Variants in PIWIL3 observed in about 807,000 individuals in gnomAD.
PIWIL3 encodes the protein piwi like RNA-mediated gene silencing 3.
A neutral mutation model predicts 109.7 loss-of-function variants in PIWIL3; 101 were observed. The observed-to-expected ratio is 0.92, with a 90% CI of 0.78 to 1.09. PIWIL3 has a LOEUF of 1.09. PIWIL3 is among the 50% of genes least tolerant of loss of function. PIWIL3 has a pLI of 0.00. For synonymous variants in PIWIL3, 373 were observed against 376.4 expected (o/e 0.99, Z 0.10); for missense variants, 1,031 against 1,072.6 (o/e 0.96, Z 0.54).
At chr22:24,755,387 T>C (rs1924960788) in intron 6 of PIWIL3, among the ~76,000 whole-genome samples, 2 of 152,344 alleles carry the variant, frequency 1.3e-5, no homozygotes, top group Admixed American at 6.5e-5. Flanking sequence ...CCTCCCAAAG[T>C]GCTGGGATTA....
At chr22:24,720,594 C>A (rs545338958) in intron 19 of PIWIL3, among the ~76,000 whole-genome samples, 181 of 152,150 alleles carry the variant, frequency 1.2e-3, no homozygotes, top group Non-Finnish European at 2.2e-3. Flanking sequence ...ACAATACAAC[C>A]GGTAAGATTG....
In PIWIL3 at chr22:24,719,818, G is replaced by T. The variant is rs778999933; in HGVS notation, c.2435C>A (p.Thr812Lys). ...TACTGTATCTGGGCTCAAGCCAATCGTGTCATAGATGACGTTATAATGAGT... is the reference window on the plus strand; with the variant it reads ...TACTGTATCTGGGCTCAAGCCAATCTTGTCATAGATGACGTTATAATGAGT... The part of the protein sequence containing the change: ...TPTHYNVIYD[T>K]IGLSPDTVQR... Residue 812 changes from threonine (T) to lysine (K), a missense_variant, in exon 20 of 21, where the codon ACG becomes AAG. Transcript: ENST00000616349. The T allele has an allele frequency of 6.2e-7, 1 of 1,611,010 alleles. No homozygotes were observed.
At chr22:24,757,421 G>C (rs1343857067) in intron 4 of PIWIL3, among the ~76,000 whole-genome samples, 1 of 152,120 alleles carries the variant, frequency 6.6e-6, no homozygotes, top group Non-Finnish European at 1.5e-5. Flanking sequence ...GACCAGCTTG[G>C]GCAAGGTGGG....
intron 3 of PIWIL3, among the ~76,000 whole-genome samples, chr22:24,759,170 C>T (rs561648664): frequency 1.6e-4 from 25 of 152,304 alleles, no homozygotes; most frequent in Admixed American, 9.1e-4. Flanking sequence ...CTGATGTGAG[C>T]CACTGCACCC....
At chr22:24,760,876 A>G (rs1266259195) in intron 2 of PIWIL3, among the ~76,000 whole-genome samples, 1 of 151,352 alleles carries the variant, frequency 6.6e-6, no homozygotes, top group East Asian at 1.9e-4. Flanking sequence ...ACAGGCTGAG[A>G]GACAAGGAAA....
At chr22:24,749,899 G>T in intron 9 of PIWIL3, 80 bp from the exon 10 acceptor site, 1 of 1,601,330 alleles carries the variant, frequency 6.2e-7, no homozygotes, top group Non-Finnish European at 8.5e-7. Flanking sequence ...AAGTGCATGT[G>T]TGGGACTACA....
At chr22:24,744,061 G>A (rs1313757134) in intron 12 of PIWIL3, among the ~76,000 whole-genome samples, 1 of 150,728 alleles carries the variant, frequency 6.6e-6, no homozygotes, top group Non-Finnish European at 1.5e-5. Context: ...AAGAAAGGAG[G>A]AAGAAGAGAC....
intron 17 of PIWIL3, 39 bp downstream of exon 17, chr22:24,725,406 G>C (rs751267102): frequency 6.2e-7 from 1 of 1,606,414 alleles, no homozygotes; most frequent in East Asian, 2.2e-5. Flanking sequence ...AGAACTACTT[G>C]TATAGTGTCG....
chr22:24,760,311 A>G (rs1422956056), intron 2 of PIWIL3, among the ~76,000 whole-genome samples: 1 of 152,200 alleles, frequency 6.6e-6, no homozygotes, highest in Non-Finnish European at 1.5e-5. Flanking sequence ...ACTTGGAGGT[A>G]CTGAGTGAAT....
intron 1 of PIWIL3, among the ~76,000 whole-genome samples, chr22:24,764,733 A>T (rs1925688515): frequency 6.7e-6 from 1 of 149,258 alleles, no homozygotes; most frequent in Admixed American, 6.8e-5. Context: ...ACTCACTGCA[A>T]CCTCAACCTC....
chr22:24,721,896 T>C (rs563831714), intron 19 of PIWIL3, among the ~76,000 whole-genome samples: 1 of 152,336 alleles, frequency 6.6e-6, no homozygotes, highest in East Asian at 1.9e-4. Flanking sequence ...GAAAAAGACT[T>C]CTAAATTACT....
chr22:24,733,273 T>C (rs1179694166), intron 14 of PIWIL3, among the ~76,000 whole-genome samples: 1 of 151,906 alleles, frequency 6.6e-6, no homozygotes, highest in African/African-American at 2.4e-5. Context: ...AGAAAGAAGA[T>C]GAACTAGTGT....
chr22:24,757,671 C>CACACACATATATAAAATATGTATATATT (rs1569109505), intron 4 of PIWIL3, among the ~76,000 whole-genome samples: 2 of 128,374 alleles, frequency 1.6e-5, no homozygotes, highest in African/African-American at 6.2e-5. Context: ...CACACACACA[C>CACACACATATATAAAATATGTATATATT]ACACACACAC....
intron 14 of PIWIL3, among the ~76,000 whole-genome samples, chr22:24,730,860 C>CT (rs915041909): frequency 1.3e-5 from 2 of 152,072 alleles, no homozygotes; most frequent in Non-Finnish European, 2.9e-5. Flanking sequence ...TGCAAAGTGA[C>CT]TTTTTTTATT....
chr22:24,723,988 T>C (rs1445321151), intron 18 of PIWIL3, among the ~76,000 whole-genome samples: 1 of 152,152 alleles, frequency 6.6e-6, no homozygotes, highest in Non-Finnish European at 1.5e-5. Flanking sequence ...ATTCATGGAT[T>C]TCTATGAGTA....
chr22:24,765,652 T>C (rs1925742663), intron 1 of PIWIL3, among the ~76,000 whole-genome samples: 2 of 152,204 alleles, frequency 1.3e-5, no homozygotes, highest in African/African-American at 4.8e-5. Context: ...CCCATCATCC[T>C]TTGTTCTGAG....
intron 12 of PIWIL3, among the ~76,000 whole-genome samples, chr22:24,744,042 A>C (rs1331702558): frequency 6.6e-6 from 1 of 151,956 alleles, no homozygotes; most frequent in Non-Finnish European, 1.5e-5. Context: ...CACTAAAAGG[A>C]AGGCAGGAAA....
At chr22:24,730,338 T>TACACTCCA (rs1923271997) in intron 14 of PIWIL3, among the ~76,000 whole-genome samples, 2 of 120,536 alleles carry the variant, frequency 1.7e-5, no homozygotes, top group Admixed American at 2.2e-4. Context: ...CACTCCAGCC[T>TACACTCCA]GGGTGACAGA....
rs370168147 is a variant in PIWIL3, at chr22:24,725,011, C to T, written c.2107G>A (p.Glu703Lys). The stretch of plus-strand genomic sequence containing the variant: ...ATAACAGAATGTGGCATCGATGATT[C>T]GTTTTTACACCAGACATCCAGGGCA... ...KAALDVWCKN[E>K]SSMPHSVIVY... The change falls in exon 18 of 21, where the codon GAA (glutamate) becomes AAA (lysine). Residue 703 changes from glutamate to lysine, a missense_variant. By Grantham distance (56) the Glu-to-Lys change is moderately conservative. Transcript: ENST00000616349. The T allele has an allele frequency of 7.4e-6, 12 of 1,614,132 alleles. No homozygotes were observed. The East Asian group carries it at 1.1e-4, about 15-fold the overall frequency.
Sources: gnomAD v4.1 joint callset for allele counts (sites outside exome capture counted in the v4.1 genomes callset) on GRCh38, gnomAD v4.1.1 for gene constraint, MANE v1.5 for transcripts, NCBI Gene and HGNC (gene_info 2026-07-23, HGNC 2026-07-21) for gene names.